The following ZNF827 variants were observed in gnomAD, a reference collection of about 807,000 sequenced individuals.
ZNF827 encodes the protein zinc finger protein 827.
In ZNF827, 13 loss-of-function variants were observed where a neutral mutation model predicts 102.4. The ratio of observed to expected loss-of-function variants is 0.13; its 90% CI spans 0.08 to 0.20. The LOEUF (loss-of-function observed/expected upper bound fraction) is 0.20. Among genes scored for constraint, ZNF827 ranks in the 10% least tolerant of loss-of-function variants. The pLI, the probability that ZNF827 is intolerant of heterozygous loss-of-function variation, is 1.00. For synonymous variants in ZNF827, 523 were observed against 536.2 expected (o/e 0.98, Z 0.34); for missense variants, 1,103 against 1,344.4 (o/e 0.82, Z 2.81).
chr4:145,776,305 T>A (rs1013151729), intron 9 of ZNF827, among the ~76,000 whole-genome samples: 4 of 151,842 alleles, frequency 2.6e-5, no homozygotes, highest in Non-Finnish European at 4.4e-5. Flanking sequence ...AAAAAATTTT[T>A]AAAAAATTAG....
intron 5 of ZNF827, among the ~76,000 whole-genome samples, chr4:145,864,092 G>A (rs897556284): frequency 2.0e-5 from 3 of 151,836 alleles, no homozygotes; most frequent in Non-Finnish European, 1.5e-5. Context: ...TGCTCAGGAG[G>A]CTGAGGCATA....
intron 5 of ZNF827, among the ~76,000 whole-genome samples, chr4:145,869,092 A>G (rs1465475463): frequency 6.6e-6 from 1 of 152,230 alleles, no homozygotes; most frequent in Non-Finnish European, 1.5e-5. Context: ...AAGTTTAGGA[A>G]GACAGAGCTA....
intron 1 of ZNF827, among the ~76,000 whole-genome samples, chr4:145,912,140 T>C (rs1285407207): frequency 3.9e-5 from 6 of 152,158 alleles, no homozygotes; most frequent in African/African-American, 1.4e-4. Context: ...CAAAGTGCCA[T>C]CAAGTACGCA....
intron 5 of ZNF827, among the ~76,000 whole-genome samples, chr4:145,861,198 A>G (rs1747695801): frequency 6.6e-6 from 1 of 152,216 alleles, no homozygotes; most frequent in South Asian, 2.1e-4. Flanking sequence ...GTTAAAGGTG[A>G]AAGGTTAATA....
chr4:145,768,791 G>A (rs1299045651), intron 11 of ZNF827, among the ~76,000 whole-genome samples: 4 of 137,436 alleles, frequency 2.9e-5, no homozygotes, highest in Non-Finnish European at 4.6e-5. Flanking sequence ...CCATGGAGGC[G>A]GAGTTTGTGG....
At chr4:145,888,942 T>C (rs1379910217) in intron 3 of ZNF827, among the ~76,000 whole-genome samples, 1 of 152,224 alleles carries the variant, frequency 6.6e-6, no homozygotes, top group Non-Finnish European at 1.5e-5. Flanking sequence ...GTACAGTGCC[T>C]AGGACATAAT....
chr4:145,840,124 AT>A (rs1023004142), intron 7 of ZNF827, among the ~76,000 whole-genome samples: 1 of 152,248 alleles, frequency 6.6e-6, no homozygotes, highest in African/African-American at 2.4e-5. Flanking sequence ...GCACAAAGTA[AT>A]TTCAGGCTCT....
intron 3 of ZNF827, 126 bp downstream of exon 3, chr4:145,892,117 A>T (rs532689552): frequency 4.8e-6 from 4 of 837,668 alleles, no homozygotes; most frequent in South Asian, 4.9e-5. Context: ...TACGTGGAGT[A>T]CTGTCATCCG....
Position 145,907,476 on chromosome 4 carries a change from T to C in ZNF827, c.44-4261A>G, listed in dbSNP as rs189357613. 5.9e-5 allele frequency among the ~76,000 whole-genome samples: 9 copies of C among 152,356 alleles called. No homozygotes were observed. In the East Asian group the frequency reaches 1.7e-3, roughly 29 times the overall value. On this transcript the variant is annotated intron_variant, in intron 1 of 14. Transcript: ENST00000508784. ...TTTAGAACATGCAAGCCTTGACTTT[T>C]GTGTCTCTCTTTCACAATCTGAGAA...
intron 1 of ZNF827, among the ~76,000 whole-genome samples, chr4:145,936,991 C>T (rs1218376152): frequency 6.6e-6 from 1 of 152,062 alleles, no homozygotes; most frequent in African/African-American, 2.4e-5. Flanking sequence ...CCCTCCTCCC[C>T]GTCACCCCGC....
intron 8 of ZNF827, among the ~76,000 whole-genome samples, chr4:145,814,216 C>T (rs1328010433): frequency 6.6e-6 from 1 of 152,226 alleles, no homozygotes; most frequent in Admixed American, 6.5e-5. Context: ...AAATACTCTT[C>T]TGATCCCAAA....
intron 1 of ZNF827, among the ~76,000 whole-genome samples, chr4:145,908,651 A>T (rs954770231): frequency 3.9e-5 from 6 of 152,248 alleles, no homozygotes; most frequent in African/African-American, 1.4e-4. Context: ...TTTACTACAA[A>T]AGTTATTAGC....
chr4:145,873,938 G>A (rs1039478792), intron 4 of ZNF827, among the ~76,000 whole-genome samples: 3 of 151,980 alleles, frequency 2.0e-5, no homozygotes, highest in African/African-American at 7.3e-5. Flanking sequence ...AAAGTGAATG[G>A]TTAAGTATTT....
At chr4:145,803,769 C>G (rs1321982236) in intron 8 of ZNF827, among the ~76,000 whole-genome samples, 4 of 152,162 alleles carry the variant, frequency 2.6e-5, no homozygotes, top group Non-Finnish European at 1.5e-5. Flanking sequence ...TTCCCAAAGG[C>G]CAATCTCCAA....
rs369105874 is a variant in ZNF827, at chr4:145,774,564, G to A, written c.2802C>T (p.Cys934=). ...CTGCTTCCTCCATGGTGACGAAGTC[G>A]CAGGCAGTGCAGCAGATCGAAAACA... ...QWMFSICCTA[C]DFVTMEEAEI... The change falls in exon 11 of 15, where the codon TGC becomes TGT. Residue 934 remains cysteine (C), a synonymous_variant. Transcript: ENST00000508784. 2.1e-5 allele frequency: 34 copies of A among 1,612,888 alleles called. No individual in the cohort carries two copies. In the African/African-American group the frequency reaches 2.8e-4, roughly 13 times the overall value.
chr4:145,914,062 GACACAC>G (rs34866639), intron 1 of ZNF827, among the ~76,000 whole-genome samples: 15 of 148,218 alleles, frequency 1.0e-4, no homozygotes, highest in Admixed American at 4.7e-4. Flanking sequence ...TTTCTTTGTA[GACACAC>G]ACACACACAC....
intron 4 of ZNF827, among the ~76,000 whole-genome samples, chr4:145,872,232 C>T (rs147445247): frequency 5.7e-4 from 87 of 152,204 alleles, no homozygotes; most frequent in African/African-American, 2.1e-3. Flanking sequence ...GGTAGGACCT[C>T]GAAGGAGGTA....
chr4:145,930,221 C>T (rs1381108417), intron 1 of ZNF827, among the ~76,000 whole-genome samples: 2 of 152,234 alleles, frequency 1.3e-5, no homozygotes, highest in Non-Finnish European at 2.9e-5. Flanking sequence ...TCCACAAGCA[C>T]AGTAGCTTGT....
At chr4:145,823,991 CAATA>C (rs1390232692) in intron 7 of ZNF827, among the ~76,000 whole-genome samples, 2 of 152,280 alleles carry the variant, frequency 1.3e-5, no homozygotes, top group African/African-American at 2.4e-5. Flanking sequence ...GGCCAGGGAC[CAATA>C]CACTGAAGGA....
Sources: gnomAD v4.1 joint callset for allele counts (sites outside exome capture counted in the v4.1 genomes callset) on GRCh38, gnomAD v4.1.1 for gene constraint, MANE v1.5 for transcripts, NCBI Gene and HGNC (gene_info 2026-07-23, HGNC 2026-07-21) for gene names.